Variants in SHOX observed in about 807,000 individuals in gnomAD.
The protein encoded by SHOX is SHOX homeobox.
In SHOX, 12 loss-of-function variants were observed where a neutral mutation model predicts 29.6. That is an observed-to-expected ratio of 0.41 (90% confidence interval 0.26 to 0.66). The LOEUF (loss-of-function observed/expected upper bound fraction) is 0.66, where lower values mean the gene tolerates loss of function less well. Ranked by LOEUF, SHOX falls within the 30% of genes least tolerant of loss-of-function variation. The pLI is 0.35. For missense variants in SHOX, 499 were observed against 437.7 expected, an observed-to-expected ratio of 1.14 and a Z score of -1.25; for synonymous variants, 214 against 200.6, an observed-to-expected ratio of 1.07 and a Z score of -0.57.
chrX:630,351 C>A (rs2124152032), upstream of SHOX: 1 of 156,780 alleles, frequency 6.4e-6, no homozygotes, highest in African/African-American at 2.4e-5. Flanking sequence ...CGGGCGCTTC[C>A]TGGAAAGATC....
At chrX:631,478 A>C (rs1027391753) in intron 1 of SHOX, among the ~76,000 whole-genome samples, 4 of 152,056 alleles carry the variant, frequency 2.6e-5, no homozygotes, top group Non-Finnish European at 4.4e-5. Flanking sequence ...CTGTGCCTGA[A>C]GCCGTAGGGC....
At chrX:639,788 G>T (rs1028944257) in intron 2 of SHOX, among the ~76,000 whole-genome samples, 1 of 151,988 alleles carries the variant, frequency 6.6e-6, no homozygotes, top group Non-Finnish European at 1.5e-5. Flanking sequence ...GATCGCTTGA[G>T]GTCAGGAGTT....
downstream of SHOX, among the ~76,000 whole-genome samples, chrX:656,120 G>A (rs866450024): frequency 6.6e-4 from 70 of 106,702 alleles, no homozygotes; most frequent in East Asian, 3.2e-3. Context: ...GACCAGCCTC[G>A]GCAACAAAGT....
upstream of SHOX, among the ~76,000 whole-genome samples, chrX:628,652 T>G (rs1461543885): frequency 3.4e-4 from 5 of 14,696 alleles, 1 homozygote; most frequent in African/African-American, 7.0e-4. Context: ...CATCTCTCTC[T>G]GTCTCTCCCT....
upstream of SHOX, chrX:630,431 C>T: frequency 5.6e-6 from 1 of 180,176 alleles, no homozygotes; most frequent in Non-Finnish European, 1.2e-5. Context: ...CTCTCTCCAG[C>T]CGTGAACTCC....
At position 644,512 on chromosome X, in the gene SHOX, C is replaced by T; in HGVS notation, c.755C>T (p.Ser252Leu). 6.6e-7 allele frequency: 1 copy of T among 1,520,194 alleles called. No homozygotes were observed. Among genetic ancestry groups the T allele is most frequent in the Non-Finnish European group, 8.8e-7 (1 of 1,140,752 alleles). The allele number at this position is 1,520,194 out of a possible 1,614,324, so 94.2% of individuals were successfully genotyped here. ...CCGCCCTTCGGGCTGCCCATCGCGT[C>T]GCTGGCCGAGTCCGCCTCGGCCGCC... ...PPPPFGLPIA[S>L]LAESASAAAV... is the part of the protein sequence containing the mutation. Residue 252 changes from serine to leucine, a missense_variant, in exon 5 of 5, where the codon TCG (serine) becomes TTG (leucine). Transcript: ENST00000686671.
Position 631,087 on chromosome X carries a change from G to C in SHOX, c.190G>C (p.Gly64Arg), listed in dbSNP as rs371578837. 58 of 1,613,634 alleles carry C rather than the reference G, an allele frequency of 3.6e-5. No individual in the cohort carries two copies. The highest frequency in any genetic ancestry group is 4.5e-5 in the Non-Finnish European group (53 of 1,179,870). Residue 64 changes from glycine to arginine, a missense_variant, in exon 1 of 5, where the codon GGC becomes CGC. Gly to Arg is a moderately radical substitution (Grantham distance 125, BLOSUM62 -2). Coordinates refer to ENST00000686671, the MANE Select transcript of SHOX (RefSeq NM_000451.4). ...SSLQDITEGG[G>R]HCPVHLFKDH... ...CCTCCAGGACATCACGGAGGGCGGC[G>C]GCCACTGCCCGGTGCATTTGTTCAA...
rs899931166 is a variant in SHOX at position 649,806 on chromosome X, G to T, written c.*5170G>T. On this transcript the variant is annotated 3_prime_UTR_variant, in exon 5 of 5. Coordinates refer to ENST00000686671, the MANE Select transcript of SHOX (RefSeq NM_000451.4). The stretch of plus-strand genomic sequence containing the variant: ...TCTTCCCTCCTCTCCCCAAAACTTG[G>T]CCAAATAGTCCGTGGAGGGTTGTCA... 4.7e-6 allele frequency: 2 copies of T among 426,466 alleles called. No homozygotes were observed. The highest frequency in any genetic ancestry group is 4.7e-6 in the Non-Finnish European group (1 of 213,214). The allele number at this position is 426,466 out of a possible 1,614,324, so 26.4% of individuals were successfully genotyped here. A position where few individuals can be genotyped will look rare whatever the true frequency, so the allele number is the denominator to read the frequency against.
upstream of SHOX, among the ~76,000 whole-genome samples, chrX:628,126 T>TGTG (rs58515457): frequency 6.8e-3 from 1,026 of 151,930 alleles, 13 homozygotes; most frequent in South Asian, 0.027. Context: ...TCTTTGTCTC[T>TGTG]CTCTGTATCT....
chrX:643,314 CCGGGAGAGG>C (rs2124189766), intron 4 of SHOX, among the ~76,000 whole-genome samples: 1 of 143,638 alleles, frequency 7.0e-6, no homozygotes, highest in African/African-American at 2.7e-5. Context: ...ATCTGGTGAG[CCGGGAGAGG>C]CTTGGGGACC....
Position 649,944 on chromosome X carries a change from C to A in SHOX, c.*5308C>A. The stretch of plus-strand genomic sequence containing the variant: ...TTTCTCTCTCTCTGACTGCGAAGCA[C>A]CCACAGGGAGAAGGAATTGGATGTA... On this transcript the variant is annotated 3_prime_UTR_variant, in exon 5 of 5. Transcript: ENST00000686671. The A allele has an allele frequency of 2.2e-6, 1 of 456,096 alleles. No homozygotes were observed. Among genetic ancestry groups the A allele is most frequent in the Middle Eastern group, 3.3e-4 (1 of 3,070 alleles). The allele number at this position is 456,096 out of a possible 1,614,324, so 28.3% of individuals were successfully genotyped here.
chrX:625,511 TTC>T (rs1239057695), intron 1 of SHOX, among the ~76,000 whole-genome samples: 2 of 151,842 alleles, frequency 1.3e-5, no homozygotes, highest in East Asian at 1.9e-4. Context: ...GTCGCTATTT[TTC>T]TCTGTCTATC....
chrX:652,627 C>T (rs1214897952), downstream of SHOX, among the ~76,000 whole-genome samples: 1 of 152,130 alleles, frequency 6.6e-6, no homozygotes, highest in East Asian at 1.9e-4. Flanking sequence ...CTGTACCGTC[C>T]GTTCTTCCTG....
exon 6 of SHOX, chrX:658,802 T>G (rs1175915061): frequency 2.5e-6 from 1 of 401,620 alleles, no homozygotes; most frequent in Non-Finnish European, 5.0e-6. Flanking sequence ...TTTGCTCTTG[T>G]CGCCCGGGCT....
intron 1 of SHOX, among the ~76,000 whole-genome samples, chrX:632,990 G>C (rs771405130): frequency 1.1e-3 from 163 of 152,206 alleles, no homozygotes; most frequent in Non-Finnish European, 1.6e-3. Flanking sequence ...GTGTCCTCCA[G>C]ACCTTTCGAA....
chrX:636,708 A>ATATATACATATAAAAATATATATATATT (rs1396754337), intron 2 of SHOX, among the ~76,000 whole-genome samples: 1 of 11,902 alleles, frequency 8.4e-5, no homozygotes, highest in African/African-American at 8.4e-4. Flanking sequence ...ATATATATAT[A>ATATATACATATAAAAATATATATATATT]AACATATATA....
chrX:653,637 T>A (rs899742702), downstream of SHOX, among the ~76,000 whole-genome samples: 1 of 151,482 alleles, frequency 6.6e-6, no homozygotes, highest in Non-Finnish European at 1.5e-5. Context: ...AAAAAAAAAT[T>A]AACTTTTTCA....
intron 4 of SHOX, among the ~76,000 whole-genome samples, chrX:644,089 C>A (rs1038449138): frequency 1.4e-4 from 21 of 152,056 alleles, no homozygotes; most frequent in Admixed American, 8.5e-4. Flanking sequence ...TGAATCCCTG[C>A]GAAGAGAGCG....
rs2052841406 is a variant in SHOX, at chrX:640,889, G to C, written c.544+11G>C. Reference sequence around the variant, plus strand: ...ATCAGATGCATAAAGGTGGGTGTCGGGACTGGGGGGACCTGAAGCTGGGGG... The same window carrying C: ...ATCAGATGCATAAAGGTGGGTGTCGCGACTGGGGGGACCTGAAGCTGGGGG... On this transcript the variant is annotated intron_variant, in intron 3 of 4. Transcript: ENST00000686671. The C allele has an allele frequency of 6.2e-7, 1 of 1,613,882 alleles. No homozygotes were observed.
Sources: gnomAD v4.1 joint callset for allele counts (sites outside exome capture counted in the v4.1 genomes callset) on GRCh38, gnomAD v4.1.1 for gene constraint, MANE v1.5 for transcripts, NCBI Gene and HGNC (gene_info 2026-07-23, HGNC 2026-07-21) for gene names.